ASIC2: variants seen among roughly 807,000 people sequenced by gnomAD.
ASIC2 encodes acid-sensing ion channel 2.
A neutral mutation model predicts 57.3 loss-of-function variants in ASIC2; 25 were observed. The ratio of observed to expected loss-of-function variants is 0.44; its 90% CI spans 0.32 to 0.61. ASIC2 has a LOEUF of 0.61. Ranked by LOEUF, ASIC2 falls within the 20% of genes least tolerant of loss-of-function variation. The pLI is 0.06. For missense variants in ASIC2, 641 were observed against 738.1 expected (o/e 0.87, Z 1.52); for synonymous variants, 319 against 307.5 (o/e 1.04, Z -0.39).
intron 1 of ASIC2, among the ~76,000 whole-genome samples, chr17:34,081,504 C>G (rs1262529398): frequency 6.6e-6 from 1 of 152,168 alleles, no homozygotes; most frequent in Non-Finnish European, 1.5e-5. Flanking sequence ...CTTTCCCCAG[C>G]ACAGGAAATT....
At chr17:34,022,640 A>G (rs906224193) in intron 1 of ASIC2, among the ~76,000 whole-genome samples, 1 of 148,276 alleles carries the variant, frequency 6.7e-6, no homozygotes, top group Non-Finnish European at 1.5e-5. Context: ...AAAAAAAAAA[A>G]CAAAAAAAAA....
rs563424419 is a variant in ASIC2, at chr17:33,541,043, A to G, written c.556-428976T>C. 4.0e-4 allele frequency among the ~76,000 whole-genome samples: 61 copies of G among 151,950 alleles called. 1 individual carries two copies. Among genetic ancestry groups the G allele is most frequent in the African/African-American group, 1.3e-3 (53 of 41,298 alleles). ...GTGTCTTATGTGGTTTACAAAAGAG[A>G]TCTGACTGGGCATGTTGTTTTTTTT... On this transcript the variant is annotated intron_variant, in intron 1 of 9. Coordinates refer to the ASIC2 transcript ENST00000359872.
At chr17:33,146,590 A>G (rs538085934) in intron 1 of ASIC2, among the ~76,000 whole-genome samples, 2 of 152,332 alleles carry the variant, frequency 1.3e-5, no homozygotes, top group East Asian at 3.9e-4. Flanking sequence ...TCACAGCCAA[A>G]CAGCCTGAAC....
intron 1 of ASIC2, among the ~76,000 whole-genome samples, chr17:33,195,225 T>C (rs974409900): frequency 6.6e-6 from 1 of 152,164 alleles, no homozygotes; most frequent in Non-Finnish European, 1.5e-5. Context: ...CAAAGCAGCC[T>C]CTGCACAGCC....
chr17:33,607,276 A>T (rs1905254446), intron 1 of ASIC2, among the ~76,000 whole-genome samples: 1 of 152,122 alleles, frequency 6.6e-6, no homozygotes, highest in Non-Finnish European at 1.5e-5. Context: ...TCCTGGGGGA[A>T]CGTGAGCAGT....
At chr17:33,730,593 G>A (rs1444934479) in intron 1 of ASIC2, among the ~76,000 whole-genome samples, 2 of 152,148 alleles carry the variant, frequency 1.3e-5, no homozygotes, top group Non-Finnish European at 2.9e-5. Context: ...GCTTGATGGG[G>A]CTGGAAAAAT....
intron 1 of ASIC2, among the ~76,000 whole-genome samples, chr17:33,701,599 T>G (rs1908703407): frequency 6.6e-6 from 1 of 152,108 alleles, no homozygotes; most frequent in Non-Finnish European, 1.5e-5. Flanking sequence ...TGAAATGAGT[T>G]CAAGGTAGGG....
chr17:33,196,892 T>C (rs1906652122), intron 1 of ASIC2, among the ~76,000 whole-genome samples: 1 of 152,182 alleles, frequency 6.6e-6, no homozygotes, highest in East Asian at 1.9e-4. Context: ...GCCTCGGCAT[T>C]AGAATACATA....
chr17:33,444,732 G>A lies in ASIC2; in HGVS notation c.556-332665C>T, dbSNP rs554197669. ...ACTGGGAACTGGATACAGCCTTCAT[G>A]TCAGCCTCTGGAAGAGAGCTACTAA... On this transcript the variant is annotated intron_variant, in intron 1 of 9. Transcript: ENST00000359872. Among the ~76,000 whole-genome samples, 21 of 152,242 alleles carry A rather than the reference G, an allele frequency of 1.4e-4. No individual in the cohort carries two copies. The East Asian group carries it at 4.1e-3, about 30-fold the overall frequency.
At chr17:33,069,735 A>C (rs2092059647) in intron 3 of ASIC2, among the ~76,000 whole-genome samples, 2 of 152,172 alleles carry the variant, frequency 1.3e-5, no homozygotes, top group Non-Finnish European at 2.9e-5. Flanking sequence ...CTTTATATTT[A>C]AAATACATTT....
intron 1 of ASIC2, among the ~76,000 whole-genome samples, chr17:33,493,689 A>T (rs1438971948): frequency 2.0e-5 from 3 of 152,052 alleles, no homozygotes; most frequent in Non-Finnish European, 4.4e-5. Context: ...GAGAACCCAG[A>T]ATCGGTCTGC....
rs56329459 is a variant in ASIC2, at chr17:33,945,311, A to ATTT, written c.555+210664_555+210666dup. ...TCAGCACAGGCATAAGGGCTTGCCC[A>ATTT]TTTTTTTTTTTTTGGTGGTCTCAGG... On this transcript the variant is annotated intron_variant, in intron 1 of 9. Coordinates refer to the ASIC2 transcript ENST00000359872. Among the ~76,000 whole-genome samples, 1,319 of 146,644 alleles carry ATTT rather than the reference A, an allele frequency of 9.0e-3. 20 individuals carry two copies. Among genetic ancestry groups the ATTT allele is most frequent in the African/African-American group, 0.025 (1,008 of 39,892 alleles).
chr17:33,995,560 A>T (rs1354346417), intron 1 of ASIC2, among the ~76,000 whole-genome samples: 3 of 152,082 alleles, frequency 2.0e-5, no homozygotes, highest in African/African-American at 7.2e-5. Flanking sequence ...ATGAAGAAAA[A>T]TTGTATATAT....
At chr17:33,439,849 C>T (rs1451911090) in intron 1 of ASIC2, among the ~76,000 whole-genome samples, 1 of 152,212 alleles carries the variant, frequency 6.6e-6, no homozygotes, top group East Asian at 1.9e-4. Flanking sequence ...GAAGCATCGG[C>T]TCCAGTCTGC....
intron 2 of ASIC2, among the ~76,000 whole-genome samples, chr17:33,096,984 G>A (rs572541256): frequency 1.3e-5 from 2 of 152,326 alleles, no homozygotes; most frequent in South Asian, 2.1e-4. Context: ...TACCCTTAGA[G>A]GTAGGTGCCC....
intron 1 of ASIC2, among the ~76,000 whole-genome samples, chr17:33,818,362 A>T (rs895623318): frequency 1.3e-5 from 2 of 152,150 alleles, no homozygotes; most frequent in Non-Finnish European, 2.9e-5. Context: ...ATATTACCTC[A>T]CTGAAACCTC....
chr17:33,197,992 T>G (rs572781952), intron 1 of ASIC2, among the ~76,000 whole-genome samples: 19 of 152,318 alleles, frequency 1.2e-4, no homozygotes, highest in Non-Finnish European at 2.8e-4. Context: ...ACCTGGCTCC[T>G]GGGAACATTA....
intron 1 of ASIC2, among the ~76,000 whole-genome samples, chr17:33,879,296 A>G (rs413905): frequency 0.27 from 41,490 of 152,146 alleles, 5,866 homozygotes; most frequent in Middle Eastern, 0.36. Flanking sequence ...TGCTCCAATT[A>G]AAAGACACAG....
intron 1 of ASIC2, among the ~76,000 whole-genome samples, chr17:33,257,073 CCCAGAGT>C (rs1909108905): frequency 1.3e-5 from 2 of 152,162 alleles, no homozygotes; most frequent in South Asian, 4.1e-4. Flanking sequence ...TACCTCCCAT[CCCAGAGT>C]GCTCTGAAAT....
Sources: allele counts gnomAD v4.1 joint callset (sites outside exome capture counted in the v4.1 genomes callset), GRCh38; gene constraint gnomAD v4.1.1; transcripts MANE v1.5; gene names NCBI Gene and HGNC (gene_info 2026-07-23, HGNC 2026-07-21).